Variants in LAMA4 observed in about 807,000 individuals in gnomAD.
LAMA4 encodes laminin subunit alpha 4, also known as laminin subunit alpha-4.
LAMA4 carries 127 observed loss-of-function variants against 207.1 expected under a neutral mutation model. The observed-to-expected ratio is 0.61, with a 90% CI of 0.53 to 0.71. The LOEUF (loss-of-function observed/expected upper bound fraction) is 0.71. Ranked by LOEUF, LAMA4 falls within the 30% of genes least tolerant of loss-of-function variation. LAMA4 has a pLI of 0.00. For missense variants in LAMA4, 2,093 were observed against 2,246.5 expected (o/e 0.93, Z 1.38); for synonymous variants, 761 against 816.0 (o/e 0.93, Z 1.15).
Position 112,114,082 on chromosome 6 carries a change from C to T in LAMA4, c.5320G>A (p.Val1774Ile). The change falls in exon 38 of 39, where the codon GTT becomes ATT. Residue 1774 changes from valine to isoleucine, a missense_variant. Physicochemically the swap from Val to Ile is conservative, Grantham distance 29. Transcript: ENST00000230538. ...CTTTTTAAACAACACTTACCTGGAACACCTCCAACAAACACAGGCTCCCTG... is the reference window on the plus strand; with the variant it reads ...CTTTTTAAACAACACTTACCTGGAATACCTCCAACAAACACAGGCTCCCTG... ...DHREPVFVGG[V>I]PESLLTPRLA... 2 of 1,613,870 alleles carry T rather than the reference C, an allele frequency of 1.2e-6. No homozygotes were observed. Among genetic ancestry groups the T allele is most frequent in the East Asian group, 2.2e-5 (1 of 44,874 alleles).
At chr6:112,162,867 GA>G (rs1253663670) in intron 13 of LAMA4, among the ~76,000 whole-genome samples, 1 of 151,782 alleles carries the variant, frequency 6.6e-6, no homozygotes, top group African/African-American at 2.4e-5. Flanking sequence ...CAGCTAGGGA[GA>G]GAGTATAGGT....
intron 2 of LAMA4, among the ~76,000 whole-genome samples, chr6:112,228,840 T>G (rs1785378976): frequency 6.6e-6 from 1 of 152,172 alleles, no homozygotes; most frequent in Admixed American, 6.5e-5. Context: ...GGCATCAGTC[T>G]CTTGAGGCAG....
In LAMA4 at chr6:112,128,804, A is replaced by G. The variant is rs782619555; in HGVS notation, c.4287+118T>C. On this transcript the variant is annotated intron_variant, in intron 31 of 38. Transcript: ENST00000230538. ...GAATATGTGATACTGCAAGAATCCC[A>G]TCTTTCCTATGTACGTAGTTGCAAA... 3.8e-4 allele frequency: 311 copies of G among 814,078 alleles called. 2 individuals carry two copies. The highest frequency in any genetic ancestry group is 5.7e-4 in the Non-Finnish European group (281 of 491,620). The allele number at this position is 814,078 out of a possible 1,614,324, so 50.4% of individuals were successfully genotyped here.
chr6:112,147,117 T>C lies in LAMA4; in HGVS notation c.2353+1040A>G, dbSNP rs572129151. The stretch of plus-strand genomic sequence containing the variant: ...TAAACAATTTCAATTTTTTGAAACT[T>C]CTGGATGCTTATTGGAATCACTTGA... On this transcript the variant is annotated intron_variant, in intron 18 of 38. Coordinates refer to ENST00000230538, the MANE Select transcript of LAMA4 (RefSeq NM_001105206.3). 1.8e-4 allele frequency among the ~76,000 whole-genome samples: 27 copies of C among 152,268 alleles called. No homozygotes were observed. The East Asian group carries it at 4.8e-3, about 27-fold the overall frequency.
intron 13 of LAMA4, among the ~76,000 whole-genome samples, chr6:112,162,600 T>C (rs1781121821): frequency 6.6e-6 from 1 of 152,216 alleles, no homozygotes; most frequent in Non-Finnish European, 1.5e-5. Context: ...AATTGGGTTG[T>C]GCCATTTATT....
chr6:112,190,947 C>CCTTT (rs199702092), intron 6 of LAMA4, among the ~76,000 whole-genome samples: 778 of 40,302 alleles, frequency 0.019, 35 homozygotes, highest in African/African-American at 0.021. Context: ...TTCTTTCTTT[C>CCTTT]CTTTCTTTCT....
At chr6:112,170,254 C>A (rs1554341365) in intron 12 of LAMA4, among the ~76,000 whole-genome samples, 1 of 152,216 alleles carries the variant, frequency 6.6e-6, no homozygotes, top group Non-Finnish European at 1.5e-5. Flanking sequence ...CTCCCTGTGG[C>A]TAAGGGCACA....
At chr6:112,176,802 C>G (rs919072410) in intron 10 of LAMA4, among the ~76,000 whole-genome samples, 1 of 152,102 alleles carries the variant, frequency 6.6e-6, no homozygotes, top group African/African-American at 2.4e-5. Context: ...TTTTTGGAGA[C>G]GATTCACACA....
At chr6:112,150,248 C>G (rs1780309171) in intron 17 of LAMA4, among the ~76,000 whole-genome samples, 1 of 150,574 alleles carries the variant, frequency 6.6e-6, no homozygotes, top group East Asian at 2.0e-4. Flanking sequence ...CACACACAGA[C>G]ACACACACAC....
chr6:112,126,851 T>C (rs74375336), intron 31 of LAMA4, among the ~76,000 whole-genome samples: 2,342 of 152,310 alleles, frequency 0.015, 71 homozygotes, highest in African/African-American at 0.054. Flanking sequence ...GACAATAGTG[T>C]GGGACAATAT....
At chr6:112,210,462 C>A (rs1485760098) in intron 3 of LAMA4, among the ~76,000 whole-genome samples, 1 of 152,134 alleles carries the variant, frequency 6.6e-6, no homozygotes, top group African/African-American at 2.4e-5. Context: ...GTTGGGATTG[C>A]CATTTGGACA....
intron 16 of LAMA4, among the ~76,000 whole-genome samples, chr6:112,151,596 T>G (rs1434946197): frequency 6.6e-6 from 1 of 152,124 alleles, no homozygotes; most frequent in Non-Finnish European, 1.5e-5. Flanking sequence ...TTAGCTTCTT[T>G]TATCAGATTT....
chr6:112,146,581 G>C (rs966771370), intron 18 of LAMA4, among the ~76,000 whole-genome samples: 4 of 151,166 alleles, frequency 2.6e-5, no homozygotes, highest in Admixed American at 2.0e-4. Context: ...GCTCAGAGAC[G>C]AAATACTTTT....
chr6:112,158,628 C>T, intron 14 of LAMA4, 104 bp downstream of exon 14: 1 of 1,200,456 alleles, frequency 8.3e-7, no homozygotes, highest in East Asian at 2.4e-5. Context: ...CAACCTTAAT[C>T]AACCTGGTAA....
rs541451375 is a variant in LAMA4 at position 112,225,358 on chromosome 6, A to G, written c.196-8889T>C. On this transcript the variant is annotated intron_variant, in intron 2 of 38. Coordinates refer to ENST00000230538, the MANE Select transcript of LAMA4 (RefSeq NM_001105206.3). ...CAGTTAAAGATAAAGAATATATAACATAAAAAGAAAAGGTAATGGGCTAAC... is the reference window on the plus strand; with the variant it reads ...CAGTTAAAGATAAAGAATATATAACGTAAAAAGAAAAGGTAATGGGCTAAC... Among the ~76,000 whole-genome samples the G allele has an allele frequency of 9.8e-5, 15 of 152,356 alleles. No homozygotes were observed. In the East Asian group the frequency reaches 2.9e-3, roughly 29 times the overall value.
At chr6:112,211,793 G>A (rs548136033) in intron 3 of LAMA4, among the ~76,000 whole-genome samples, 24 of 152,322 alleles carry the variant, frequency 1.6e-4, no homozygotes, top group Non-Finnish European at 7.4e-5. Flanking sequence ...GTATGTTTAG[G>A]TGGCAGTGTG....
intron 2 of LAMA4, chr6:112,218,258 A>C (rs1182071084): frequency 1.3e-5 from 2 of 152,230 alleles, no homozygotes; most frequent in African/African-American, 4.8e-5. Flanking sequence ...ACCATATTAC[A>C]GTCTTCTGGG....
chr6:112,122,603 T>C (rs1409047610), intron 31 of LAMA4, among the ~76,000 whole-genome samples: 4 of 152,252 alleles, frequency 2.6e-5, no homozygotes, highest in Non-Finnish European at 5.9e-5. Context: ...GTTACTTTAA[T>C]ACACAGATTA....
chr6:112,198,740 C>G (rs931422388), intron 5 of LAMA4, among the ~76,000 whole-genome samples: 1 of 152,118 alleles, frequency 6.6e-6, no homozygotes, highest in South Asian at 2.1e-4. Context: ...GGAAATGAGC[C>G]AACGTGTCCC....
Sources: allele counts gnomAD v4.1 joint callset (sites outside exome capture counted in the v4.1 genomes callset), GRCh38; gene constraint gnomAD v4.1.1; transcripts MANE v1.5; gene names NCBI Gene and HGNC (gene_info 2026-07-23, HGNC 2026-07-21).